The following EIF2S1 variants were observed in gnomAD, a reference collection of about 807,000 sequenced individuals.
EIF2S1 encodes the protein eukaryotic translation initiation factor 2 subunit alpha.
In EIF2S1, 5 loss-of-function variants were observed where a neutral mutation model predicts 33.5. The ratio of observed to expected loss-of-function variants is 0.15; its 90% CI spans 0.08 to 0.31. The LOEUF (loss-of-function observed/expected upper bound fraction) is 0.31. Among genes scored for constraint, EIF2S1 ranks in the 10% least tolerant of loss-of-function variants. The pLI, the probability that EIF2S1 is intolerant of heterozygous loss-of-function variation, is 1.00. For missense variants in EIF2S1, 191 were observed against 384.6 expected, an observed-to-expected ratio of 0.50 and a Z score of 4.21; for synonymous variants, 99 against 127.5, an observed-to-expected ratio of 0.78 and a Z score of 1.51.
At chr14:67,366,866 T>G (rs1365275864) in intron 2 of EIF2S1, among the ~76,000 whole-genome samples, 1 of 139,178 alleles carries the variant, frequency 7.2e-6, no homozygotes, top group Admixed American at 7.5e-5. Context: ...TTACACCTTT[T>G]TTTTTGACCT....
intron 2 of EIF2S1, among the ~76,000 whole-genome samples, chr14:67,367,747 G>A (rs1226315777): frequency 6.6e-6 from 1 of 151,926 alleles, no homozygotes; most frequent in Non-Finnish European, 1.5e-5. Context: ...GAGGTAGGGG[G>A]ATGGTTTGAG....
intron 2 of EIF2S1, among the ~76,000 whole-genome samples, chr14:67,370,231 G>A (rs1000043200): frequency 6.6e-6 from 1 of 152,232 alleles, no homozygotes; most frequent in South Asian, 2.1e-4. Flanking sequence ...CAGCTTGGGC[G>A]TTAGGACCAT....
chr14:67,382,510 C>T lies in EIF2S1; in HGVS notation c.742C>T (p.Leu248Phe). 1.2e-6 allele frequency: 2 copies of T among 1,613,834 alleles called. No homozygotes were observed. The highest frequency in any genetic ancestry group is 1.7e-6 in the Non-Finnish European group (2 of 1,179,822). ...TTTTLERTEGLSVLSQAMAVI... is the reference protein window; with the variant it reads ...TTTTLERTEGFSVLSQAMAVI... ...GACAACCCTGGAGAGAACAGAAGGC[C>T]TTTCTGTCCTCAGTCAAGCTATGGC... Residue 248 changes from leucine (L) to phenylalanine (F), a missense_variant, in exon 7 of 8, where the codon CTT becomes TTT. Leu to Phe is a conservative substitution (Grantham distance 22, BLOSUM62 0). Coordinates refer to ENST00000256383, the MANE Select transcript of EIF2S1 (RefSeq NM_004094.5).
intron 2 of EIF2S1, among the ~76,000 whole-genome samples, chr14:67,367,844 AAAAG>A (rs1471682726): frequency 1.3e-5 from 2 of 152,170 alleles, no homozygotes; most frequent in East Asian, 1.9e-4. Context: ...TCAAAAAAAA[AAAAG>A]AGAGAGGTGA....
At chr14:67,367,262 C>T (rs1010806831) in intron 2 of EIF2S1, among the ~76,000 whole-genome samples, 7 of 152,182 alleles carry the variant, frequency 4.6e-5, no homozygotes, top group African/African-American at 9.6e-5. Context: ...GATGGAGTCT[C>T]ACTCTGTCGC....
At chr14:67,361,502 A>T (rs1326733362) in intron 1 of EIF2S1, among the ~76,000 whole-genome samples, 1 of 152,260 alleles carries the variant, frequency 6.6e-6, no homozygotes, top group Admixed American at 6.5e-5. Context: ...TTCAGAGAGC[A>T]TTCCTAATAC....
At chr14:67,379,929 C>CT (rs1459853588) in intron 4 of EIF2S1, among the ~76,000 whole-genome samples, 1 of 151,668 alleles carries the variant, frequency 6.6e-6, no homozygotes, top group Non-Finnish European at 1.5e-5. Context: ...GTCTTTTTTT[C>CT]TTTTTAATAG....
intron 2 of EIF2S1, among the ~76,000 whole-genome samples, chr14:67,366,224 G>C (rs1206214561): frequency 2.0e-5 from 3 of 152,006 alleles, no homozygotes; most frequent in Non-Finnish European, 4.4e-5. Context: ...GGAACTACAG[G>C]CATGTGCCAC....
intron 2 of EIF2S1, among the ~76,000 whole-genome samples, chr14:67,374,011 G>C (rs747914253): frequency 3.3e-5 from 5 of 152,082 alleles, no homozygotes; most frequent in Non-Finnish European, 7.4e-5. Context: ...AAAATTATTA[G>C]TTCTCTCCAG....
At chr14:67,381,177 G>T (rs537909126) in intron 5 of EIF2S1, among the ~76,000 whole-genome samples, 139 of 152,178 alleles carry the variant, frequency 9.1e-4, no homozygotes, top group Middle Eastern at 3.4e-3. Context: ...TTTATGCTGG[G>T]TAATGTTTCA....
intron 4 of EIF2S1, among the ~76,000 whole-genome samples, chr14:67,379,594 G>A (rs2085874854): frequency 6.6e-6 from 1 of 151,358 alleles, no homozygotes; most frequent in Admixed American, 6.6e-5. Flanking sequence ...TGCTTATTAA[G>A]CCTGATGCTT....
At position 67,383,457 on chromosome 14, in the gene EIF2S1, G is replaced by A. The variant is rs1486798332; in HGVS notation, c.*17G>A. 6.2e-7 allele frequency: 1 copy of A among 1,611,752 alleles called. No homozygotes were observed. Among genetic ancestry groups the A allele is most frequent in the Non-Finnish European group, 8.5e-7 (1 of 1,178,396 alleles). On this transcript the variant is annotated 3_prime_UTR_variant, in exon 8 of 8. Coordinates refer to ENST00000256383, the MANE Select transcript of EIF2S1 (RefSeq NM_004094.5). ...GAAGATTAACTTTGTGGGAAACAGA[G>A]TCCAATTTAAGGAACACAGAGCAGC...
rs34487632 is a variant in EIF2S1, at chr14:67,378,314, C to CTT, written c.473+1746_473+1747dup. Among the ~76,000 whole-genome samples the CTT allele has an allele frequency of 5.3e-3, 569 of 107,600 alleles. 7 individuals carry two copies. The highest frequency in any genetic ancestry group is 0.015 in the African/African-American group (447 of 29,088). The allele number at this position is 107,600 out of a possible 152,430, so 70.6% of individuals were successfully genotyped here. A position where few individuals can be genotyped will look rare whatever the true frequency, so the allele number is the denominator to read the frequency against. On this transcript the variant is annotated intron_variant, in intron 4 of 7. Transcript: ENST00000256383. ...TCCCTTCAAGTTTATTCTCATGTGA[C>CTT]TTTTTTTTTTTTTTTTTTTTTTTGG...
At chr14:67,361,414 G>C (rs1017701832) in intron 1 of EIF2S1, among the ~76,000 whole-genome samples, 15 of 152,096 alleles carry the variant, frequency 9.9e-5, no homozygotes, top group Non-Finnish European at 4.4e-5. Context: ...GTAGAGATTC[G>C]GTGATAACTT....
Position 67,383,386 on chromosome 14 carries a change from C to G in EIF2S1, c.894C>G (p.Ala298=). 6.2e-7 allele frequency: 1 copy of G among 1,613,546 alleles called. No individual in the cohort carries two copies. The highest frequency in any genetic ancestry group is 8.5e-7 in the Non-Finnish European group (1 of 1,179,698). The change falls in exon 8 of 8, where the codon GCC becomes GCG. Residue 298 remains alanine (A), a synonymous_variant. Transcript: ENST00000256383. ...TGGAGAGGCTTGAAAGAGAAAATGC[C>G]GAAGTGGATGGAGATGATGATGCAG... ...RQMERLEREN[A]EVDGDDDAEE...
chr14:67,382,397 G>A, intron 6 of EIF2S1, 50 bp from the exon 7 acceptor site: 1 of 1,520,618 alleles, frequency 6.6e-7, no homozygotes, highest in South Asian at 1.2e-5. Flanking sequence ...CCTAATAGTT[G>A]TGGGTTCTGT....
At chr14:67,383,199 T>G in intron 7 of EIF2S1, 116 bp from the exon 8 acceptor site, 1 of 1,162,012 alleles carries the variant, frequency 8.6e-7, no homozygotes, top group South Asian at 1.6e-5. Context: ...TGAACAGATA[T>G]GACAGAGTTG....
rs1316737147 is a variant in EIF2S1 at position 67,385,357 on chromosome 14, A to G, written c.*1917A>G. The G allele has an allele frequency of 2.0e-5, 3 of 151,834 alleles. No individual in the cohort carries two copies. The highest frequency in any genetic ancestry group is 2.0e-4 in the Admixed American group (3 of 15,240). The allele number at this position is 151,834 out of a possible 1,614,324, so 9.4% of individuals were successfully genotyped here. Reference sequence around the variant, plus strand: ...CTGTAACCCTGGCACTTAAGGGGCCAAGGCAGGAGGATCACTTGAGGCCAG... The same window carrying G: ...CTGTAACCCTGGCACTTAAGGGGCCGAGGCAGGAGGATCACTTGAGGCCAG... On this transcript the variant is annotated 3_prime_UTR_variant, in exon 8 of 8. Coordinates refer to ENST00000256383, the MANE Select transcript of EIF2S1 (RefSeq NM_004094.5).
chr14:67,364,780 A>C lies in EIF2S1; in HGVS notation c.13A>C (p.Ser5Arg), dbSNP rs776915139. ...TTTAAATTGCAGAATGCCGGGTCTA[A>C]GTTGTAGATTTTATCAACACAAATT... MPGLSCRFYQHKFPE... is the reference protein window; with the variant it reads MPGLRCRFYQHKFPE... Residue 5 changes from serine to arginine, a missense_variant, in exon 2 of 8, where the codon AGT becomes CGT. By Grantham distance (110) the Ser-to-Arg change is moderately radical. Transcript: ENST00000256383. 1.7e-5 allele frequency: 27 copies of C among 1,613,092 alleles called. No individual in the cohort carries two copies. In the Admixed American group the frequency reaches 4.0e-4, roughly 24 times the overall value.
Sources: allele counts gnomAD v4.1 joint callset (sites outside exome capture counted in the v4.1 genomes callset), GRCh38; gene constraint gnomAD v4.1.1; transcripts MANE v1.5; gene names NCBI Gene and HGNC (gene_info 2026-07-23, HGNC 2026-07-21).